KCTD16: variants seen among roughly 807,000 people sequenced by gnomAD.
KCTD16 encodes the protein BTB/POZ domain-containing protein KCTD16.
KCTD16 carries 13 observed loss-of-function variants against 33.2 expected under a neutral mutation model. That is an observed-to-expected ratio of 0.39 (90% CI 0.25 to 0.62). The LOEUF is 0.62. Among genes scored for constraint, KCTD16 ranks in the 20% least tolerant of loss-of-function variants. The pLI, the probability that KCTD16 is intolerant of heterozygous loss-of-function variation, is 0.50. For missense variants in KCTD16, 441 were observed against 525.1 expected, an observed-to-expected ratio of 0.84 and a Z score of 1.57; for synonymous variants, 197 against 195.3, an observed-to-expected ratio of 1.01 and a Z score of -0.07.
chr5:144,406,812 T>C (rs1320709448), intron 3 of KCTD16, among the ~76,000 whole-genome samples: 1 of 152,196 alleles, frequency 6.6e-6, no homozygotes, highest in Non-Finnish European at 1.5e-5. Context: ...TGCCAATCTA[T>C]GCAAGCTTCT....
intron 3 of KCTD16, among the ~76,000 whole-genome samples, chr5:144,312,308 A>G (rs1306618720): frequency 6.6e-6 from 1 of 152,154 alleles, no homozygotes; most frequent in African/African-American, 2.4e-5. Flanking sequence ...AATGTCCATG[A>G]GCCTTTATCC....
intron 3 of KCTD16, among the ~76,000 whole-genome samples, chr5:144,391,851 G>T (rs914568062): frequency 9.8e-5 from 15 of 152,304 alleles, no homozygotes; most frequent in Admixed American, 3.9e-4. Context: ...CTGATCTGAT[G>T]ATCTTTATTA....
rs191930931 is a variant in KCTD16, at chr5:144,468,450, C to T, written c.833-5210C>T. ...TACTAACCATCTCTCAATAGAAGCC[C>T]CCACTGGGCCCCTCCAAGACCAACT... On this transcript the variant is annotated intron_variant, in intron 3 of 3. Coordinates refer to ENST00000512467, the MANE Select transcript of KCTD16 (RefSeq NM_020768.4). 5.3e-5 allele frequency among the ~76,000 whole-genome samples: 8 copies of T among 152,266 alleles called. No homozygotes were observed. The East Asian group carries it at 1.4e-3, about 26-fold the overall frequency.
intron 3 of KCTD16, among the ~76,000 whole-genome samples, chr5:144,419,179 ACGTATTTTGGAG>A (rs1753153235): frequency 6.6e-6 from 1 of 152,100 alleles, no homozygotes; most frequent in African/African-American, 2.4e-5. Context: ...TCAGTTTCTG[ACGTATTTTGGAG>A]AAAATGCTCC....
At chr5:144,238,449 T>A (rs981114183) in intron 3 of KCTD16, among the ~76,000 whole-genome samples, 9 of 152,156 alleles carry the variant, frequency 5.9e-5, no homozygotes, top group African/African-American at 2.2e-4. Context: ...TTGGTAACTT[T>A]ACGTCAAAGC....
At chr5:144,428,781 T>C (rs1753392960) in intron 3 of KCTD16, among the ~76,000 whole-genome samples, 1 of 152,122 alleles carries the variant, frequency 6.6e-6, no homozygotes, top group African/African-American at 2.4e-5. Flanking sequence ...AACACACCAG[T>C]GACAGAGCAC....
intron 3 of KCTD16, among the ~76,000 whole-genome samples, chr5:144,415,464 G>A (rs530266008): frequency 2.0e-5 from 3 of 152,224 alleles, no homozygotes; most frequent in Non-Finnish European, 2.9e-5. Flanking sequence ...CACTCCTAAA[G>A]CTAGATCATC....
At chr5:144,427,676 T>G (rs1753361942) in intron 3 of KCTD16, among the ~76,000 whole-genome samples, 1 of 152,090 alleles carries the variant, frequency 6.6e-6, no homozygotes, top group African/African-American at 2.4e-5. Flanking sequence ...AGATGATGAT[T>G]TAATTGGTAT....
chr5:144,382,314 A>T (rs1561587337), intron 3 of KCTD16, among the ~76,000 whole-genome samples: 1 of 152,164 alleles, frequency 6.6e-6, no homozygotes, highest in Non-Finnish European at 1.5e-5. Flanking sequence ...AATCATTTGT[A>T]CACAAAACCC....
In KCTD16 at chr5:144,351,569, G is replaced by A. The variant is rs575706306; in HGVS notation, c.833-122091G>A. On this transcript the variant is annotated intron_variant, in intron 3 of 3. Coordinates refer to ENST00000512467, the MANE Select transcript of KCTD16 (RefSeq NM_020768.4). ...TCTGCTTAATATATATCCAAAGGAC[G>A]TGAAATCAGTAAGTGGAAGAGATAT... 7.9e-5 allele frequency among the ~76,000 whole-genome samples: 12 copies of A among 152,252 alleles called. No individual in the cohort carries two copies. In the East Asian group the frequency reaches 1.4e-3, roughly 17 times the overall value.
At chr5:144,332,013 C>T (rs184868299) in intron 3 of KCTD16, among the ~76,000 whole-genome samples, 19 of 152,172 alleles carry the variant, frequency 1.2e-4, no homozygotes, top group Admixed American at 6.6e-4. Flanking sequence ...AAAGCCCATG[C>T]ATGTTAAAAA....
chr5:144,264,659 G>A (rs915684980), intron 3 of KCTD16, among the ~76,000 whole-genome samples: 1 of 152,122 alleles, frequency 6.6e-6, no homozygotes, highest in Non-Finnish European at 1.5e-5. Context: ...TGTGATTCCA[G>A]CCATTCAGGA....
At chr5:144,255,803 A>G (rs937231804) in intron 3 of KCTD16, among the ~76,000 whole-genome samples, 4 of 152,212 alleles carry the variant, frequency 2.6e-5, no homozygotes, top group African/African-American at 9.6e-5. Flanking sequence ...ATCAGCATTT[A>G]AAAAGAAGAA....
At chr5:144,208,537 C>T (rs1753262611) in intron 3 of KCTD16, among the ~76,000 whole-genome samples, 2 of 152,242 alleles carry the variant, frequency 1.3e-5, no homozygotes, top group South Asian at 2.1e-4. Flanking sequence ...GTAAATTCCA[C>T]AAGAAATATG....
At chr5:144,300,559 C>A (rs556595720) in intron 3 of KCTD16, among the ~76,000 whole-genome samples, 1 of 152,180 alleles carries the variant, frequency 6.6e-6, no homozygotes, top group East Asian at 1.9e-4. Flanking sequence ...TATAACTGAC[C>A]TTATACACCA....
At chr5:144,446,791 C>T (rs1580971871) in intron 3 of KCTD16, among the ~76,000 whole-genome samples, 1 of 151,882 alleles carries the variant, frequency 6.6e-6, no homozygotes, top group Non-Finnish European at 1.5e-5. Flanking sequence ...ATGCAGCCAA[C>T]AAACATATGA....
intron 3 of KCTD16, among the ~76,000 whole-genome samples, chr5:144,336,372 C>T (rs73301975): frequency 0.022 from 3,395 of 152,222 alleles, 138 homozygotes; most frequent in African/African-American, 0.077. Flanking sequence ...AAGACTGGAA[C>T]GGGCTGTGCA....
In KCTD16 at chr5:144,181,804, G is replaced by A. The variant is rs191627221; in HGVS notation, c.-327+7332G>A. Among the ~76,000 whole-genome samples, 507 of 152,218 alleles carry A rather than the reference G, an allele frequency of 3.3e-3. 4 individuals are homozygous for A. The highest frequency in any genetic ancestry group is 0.012 in the African/African-American group (491 of 41,538). On this transcript the variant is annotated intron_variant, in intron 2 of 3. Coordinates refer to ENST00000512467, the MANE Select transcript of KCTD16 (RefSeq NM_020768.4). ...TATTAAGAGGTGAGGCCTTTAAGAGGTGATCAGGGCAGGGCACGGTGGCTC... is the reference window on the plus strand; with the variant it reads ...TATTAAGAGGTGAGGCCTTTAAGAGATGATCAGGGCAGGGCACGGTGGCTC...
chr5:144,407,644 G>A (rs1340649198), intron 3 of KCTD16, among the ~76,000 whole-genome samples: 7 of 151,950 alleles, frequency 4.6e-5, no homozygotes, highest in African/African-American at 1.7e-4. Flanking sequence ...CTTTCATCTA[G>A]GTTTTAAGCC....
Sources: allele counts gnomAD v4.1 joint callset (sites outside exome capture counted in the v4.1 genomes callset), GRCh38; gene constraint gnomAD v4.1.1; transcripts MANE v1.5; gene names NCBI Gene and HGNC (gene_info 2026-07-23, HGNC 2026-07-21).